TMEM135: variants seen among roughly 807,000 people sequenced by gnomAD.
TMEM135 encodes transmembrane protein 135.
In TMEM135, 30 loss-of-function variants were observed where a neutral mutation model predicts 60.3. The ratio of observed to expected loss-of-function variants is 0.50; its 90% CI spans 0.37 to 0.68. The LOEUF is 0.68. Ranked by LOEUF, TMEM135 falls within the 30% of genes least tolerant of loss-of-function variation. The probability of loss-of-function intolerance (pLI) is 0.00; values close to 1 mark genes in which losing one functional copy is unlikely to be tolerated. For synonymous variants in TMEM135, 190 were observed against 186.7 expected, an observed-to-expected ratio of 1.02 and a Z score of -0.14; for missense variants, 468 against 548.8, an observed-to-expected ratio of 0.85 and a Z score of 1.47.
chr11:87,041,924 G>A (rs1378879), intron 1 of TMEM135, among the ~76,000 whole-genome samples: 43,348 of 152,106 alleles, frequency 0.28, 7,029 homozygotes, highest in East Asian at 0.52. Context: ...TGTCAAGTCA[G>A]ATTGTTGCAG....
chr11:87,187,532 A>G (rs575913505), intron 5 of TMEM135, among the ~76,000 whole-genome samples: 43 of 152,200 alleles, frequency 2.8e-4, no homozygotes, highest in African/African-American at 9.9e-4. Flanking sequence ...GGATCCTCAA[A>G]CCACACTCTC....
At chr11:87,277,125 C>G in intron 6 of TMEM135, 1 of 166,392 alleles carries the variant, frequency 6.0e-6, no homozygotes, top group Non-Finnish European at 1.3e-5. Context: ...GTATTGCTAA[C>G]ATTATGTAAA....
At chr11:87,227,659 G>T (rs1940793917) in intron 5 of TMEM135, among the ~76,000 whole-genome samples, 1 of 152,074 alleles carries the variant, frequency 6.6e-6, no homozygotes, top group Non-Finnish European at 1.5e-5. Context: ...GGATAGTGTT[G>T]CTTAAAATTA....
At chr11:87,045,903 C>T (rs955227044) in intron 1 of TMEM135, among the ~76,000 whole-genome samples, 2 of 152,124 alleles carry the variant, frequency 1.3e-5, no homozygotes, top group African/African-American at 4.8e-5. Flanking sequence ...TTTATTGAGT[C>T]TGCTATTTGC....
At chr11:87,056,460 G>A (rs996774389) in intron 1 of TMEM135, among the ~76,000 whole-genome samples, 3 of 152,080 alleles carry the variant, frequency 2.0e-5, no homozygotes, top group African/African-American at 7.2e-5. Flanking sequence ...TTTTCCCATG[G>A]TTAAATTTCA....
chr11:87,211,491 G>C (rs1940368504), intron 5 of TMEM135, among the ~76,000 whole-genome samples: 1 of 152,182 alleles, frequency 6.6e-6, no homozygotes, highest in Non-Finnish European at 1.5e-5. Flanking sequence ...GTAGAATTGA[G>C]GAGGCCACAG....
At chr11:87,064,657 C>T (rs1204135769) in intron 1 of TMEM135, among the ~76,000 whole-genome samples, 4 of 152,274 alleles carry the variant, frequency 2.6e-5, no homozygotes, top group South Asian at 4.1e-4. Context: ...CCGAGGTGGG[C>T]GGATCGCCTG....
At chr11:87,115,627 T>C (rs1857860990) in intron 4 of TMEM135, among the ~76,000 whole-genome samples, 1 of 152,176 alleles carries the variant, frequency 6.6e-6, no homozygotes, top group Non-Finnish European at 1.5e-5. Flanking sequence ...CTAGTTGATT[T>C]TAGACAGCTA....
chr11:87,172,345 T>A (rs899755725), intron 5 of TMEM135, among the ~76,000 whole-genome samples: 2 of 151,890 alleles, frequency 1.3e-5, no homozygotes, highest in Non-Finnish European at 2.9e-5. Context: ...AAATTTAAAG[T>A]ATATTTAAAG....
intron 3 of TMEM135, among the ~76,000 whole-genome samples, chr11:87,089,806 G>A (rs2512382): frequency 0.55 from 82,890 of 151,740 alleles, 23,380 homozygotes; most frequent in East Asian, 0.71. Context: ...AGAATTTGGT[G>A]GGAACTAATG....
chr11:87,101,509 T>G (rs1386861517), intron 4 of TMEM135, among the ~76,000 whole-genome samples: 1 of 152,214 alleles, frequency 6.6e-6, no homozygotes, highest in Non-Finnish European at 1.5e-5. Flanking sequence ...TTTGAAAACT[T>G]CTCTGTAATT....
intron 4 of TMEM135, among the ~76,000 whole-genome samples, chr11:87,102,722 A>ATG (rs1471976195): frequency 0.15 from 20,285 of 132,130 alleles, 1,503 homozygotes; most frequent in Non-Finnish European, 0.17. Flanking sequence ...ATGTATATAT[A>ATG]TATATGTATA....
At chr11:87,091,282 T>G in intron 3 of TMEM135, 80 bp from the exon 4 acceptor site, 1 of 1,275,122 alleles carries the variant, frequency 7.8e-7, no homozygotes, top group Admixed American at 1.8e-5. Context: ...TATAATTCTT[T>G]TTATAGACTT....
intron 3 of TMEM135, among the ~76,000 whole-genome samples, chr11:87,080,497 C>A (rs995369917): frequency 1.3e-5 from 2 of 152,100 alleles, no homozygotes; most frequent in African/African-American, 4.8e-5. Flanking sequence ...AAATCTTCAA[C>A]TGTGATTCTG....
intron 6 of TMEM135, among the ~76,000 whole-genome samples, chr11:87,270,416 T>C (rs1424679010): frequency 6.6e-6 from 1 of 152,210 alleles, no homozygotes; most frequent in Non-Finnish European, 1.5e-5. Flanking sequence ...ATGAAGTCCT[T>C]GTCCATAAAA....
chr11:87,162,247 G>A (rs1938900601), intron 5 of TMEM135, among the ~76,000 whole-genome samples: 1 of 151,246 alleles, frequency 6.6e-6, no homozygotes, highest in Non-Finnish European at 1.5e-5. Flanking sequence ...TATACTTTAA[G>A]TTCTGGGATA....
intron 4 of TMEM135, among the ~76,000 whole-genome samples, chr11:87,141,002 A>C (rs768544974): frequency 1.3e-5 from 2 of 149,982 alleles, no homozygotes. Flanking sequence ...GATTACTTGA[A>C]TCTTTATAGT....
At chr11:87,073,623 A>G (rs12419551) in intron 3 of TMEM135, among the ~76,000 whole-genome samples, 42,105 of 151,982 alleles carry the variant, frequency 0.28, 6,443 homozygotes, top group East Asian at 0.53. Context: ...GATATTCATT[A>G]CTTGAAAAAT....
chr11:87,132,564 C>G (rs1315777673), intron 4 of TMEM135, among the ~76,000 whole-genome samples: 1 of 152,070 alleles, frequency 6.6e-6, no homozygotes, highest in African/African-American at 2.4e-5. Flanking sequence ...TTGAGGTAGT[C>G]TTGACTCTTT....
Sources: allele counts gnomAD v4.1 joint callset (sites outside exome capture counted in the v4.1 genomes callset), GRCh38; gene constraint gnomAD v4.1.1; transcripts MANE v1.5; gene names NCBI Gene and HGNC (gene_info 2026-07-23, HGNC 2026-07-21).